The following DYNC2I1 variants were observed in gnomAD, a reference collection of about 807,000 sequenced individuals.
The protein encoded by DYNC2I1 is dynein 2 intermediate chain 1, also known as cytoplasmic dynein 2 intermediate chain 1.
DYNC2I1 carries 89 observed loss-of-function variants against 133.4 expected under a neutral mutation model. That is an observed-to-expected ratio of 0.67 (90% CI 0.56 to 0.80). The LOEUF (loss-of-function observed/expected upper bound fraction) is 0.80. Ranked by LOEUF, DYNC2I1 falls within the 30% of genes least tolerant of loss-of-function variation. The probability of loss-of-function intolerance (pLI) is 0.00; values close to 1 mark genes in which losing one functional copy is unlikely to be tolerated. For missense variants in DYNC2I1, 1,291 were observed against 1,314.5 expected (o/e 0.98, Z 0.28); for synonymous variants, 504 against 484.3 (o/e 1.04, Z -0.54).
intron 8 of DYNC2I1, among the ~76,000 whole-genome samples, chr7:158,896,648 T>C (rs1311803510): frequency 6.6e-6 from 1 of 151,992 alleles, no homozygotes; most frequent in Non-Finnish European, 1.5e-5. Flanking sequence ...AGTTTTTAAA[T>C]TTTTTGTAGA....
intron 17 of DYNC2I1, among the ~76,000 whole-genome samples, chr7:158,925,237 G>T (rs914160359): frequency 6.6e-6 from 1 of 152,128 alleles, no homozygotes; most frequent in Non-Finnish European, 1.5e-5. Context: ...TAGACACCCT[G>T]TAATTTATTC....
chr7:158,912,465 T>C (rs568216784), intron 12 of DYNC2I1, among the ~76,000 whole-genome samples: 3 of 152,296 alleles, frequency 2.0e-5, no homozygotes, highest in South Asian at 4.2e-4. Flanking sequence ...TTTTTAAATT[T>C]TTTTTAAGAG....
In DYNC2I1 at chr7:158,867,729, G is replaced by A. The variant is rs184791590; in HGVS notation, c.16-2126G>A. Among the ~76,000 whole-genome samples, 750 of 152,218 alleles carry A rather than the reference G, an allele frequency of 4.9e-3. 3 individuals are homozygous for A. The highest frequency in any genetic ancestry group is 0.017 in the African/African-American group (725 of 41,526). On this transcript the variant is annotated intron_variant, in intron 1 of 24. Coordinates refer to ENST00000407559, the MANE Select transcript of DYNC2I1 (RefSeq NM_018051.5). ...GAGGGGCCCTTCTGACGTGTGGGCTGGTGCCGGCCTCTCCTGGGCCTCCCC... is the reference window on the plus strand; with the variant it reads ...GAGGGGCCCTTCTGACGTGTGGGCTAGTGCCGGCCTCTCCTGGGCCTCCCC...
intron 8 of DYNC2I1, among the ~76,000 whole-genome samples, chr7:158,894,353 C>T (rs750443837): frequency 1.3e-4 from 20 of 152,154 alleles, no homozygotes; most frequent in Non-Finnish European, 2.5e-4. Flanking sequence ...CCACTCAGTG[C>T]GTTTTGCTTT....
At chr7:158,913,220 G>C in intron 13 of DYNC2I1, 124 bp downstream of exon 13, 2 of 723,344 alleles carry the variant, frequency 2.8e-6, no homozygotes, top group Non-Finnish European at 4.4e-6. Context: ...TTGTTAGCAT[G>C]TGACAATAGC....
intron 23 of DYNC2I1, among the ~76,000 whole-genome samples, chr7:158,935,421 T>C (rs994535111): frequency 6.6e-6 from 1 of 152,268 alleles, no homozygotes; most frequent in African/African-American, 2.4e-5. Flanking sequence ...AAGAATTATA[T>C]GACAGTCAAG....
At position 158,945,401 on chromosome 7, in the gene DYNC2I1, A is replaced by G. The variant is rs997472094; in HGVS notation, c.3003-180A>G. ...AAGTTCCATCTGGCAGGCCTCTGAC[A>G]TGCGGAAATGCATTTTCACACATTT... On this transcript the variant is annotated intron_variant, in intron 24 of 24. Transcript: ENST00000407559. This position sits in a 1 kb window ranked among gnomAD's most constrained non-coding sequence, Gnocchi z 4.1. Among the ~76,000 whole-genome samples the G allele has an allele frequency of 6.6e-6, 1 of 152,216 alleles. No individual in the cohort carries two copies. Among genetic ancestry groups the G allele is most frequent in the Non-Finnish European group, 1.5e-5 (1 of 68,032 alleles).
chr7:158,927,142 TGG>T, intron 20 of DYNC2I1, 99 bp downstream of exon 20: 1 of 821,278 alleles, frequency 1.2e-6, no homozygotes, highest in Non-Finnish European at 1.9e-6. Context: ...TCACACCTGC[TGG>T]GAGCCTCAGC....
intron 12 of DYNC2I1, among the ~76,000 whole-genome samples, chr7:158,912,035 A>G (rs960646238): frequency 1.3e-5 from 2 of 152,106 alleles, no homozygotes; most frequent in African/African-American, 4.8e-5. Flanking sequence ...AGTGCAGTGG[A>G]GTGATCTTGG....
At chr7:158,860,392 C>T (rs1446901713) in intron 1 of DYNC2I1, among the ~76,000 whole-genome samples, 2 of 152,174 alleles carry the variant, frequency 1.3e-5, no homozygotes, top group Non-Finnish European at 2.9e-5. Flanking sequence ...CCAAGCATTT[C>T]TTTCAGTTTG....
intron 1 of DYNC2I1, among the ~76,000 whole-genome samples, chr7:158,868,297 C>A (rs1842584922): frequency 6.6e-6 from 1 of 152,176 alleles, no homozygotes; most frequent in South Asian, 2.1e-4. Context: ...CCTTTCCCGG[C>A]ACGCACAGTG....
intron 8 of DYNC2I1, among the ~76,000 whole-genome samples, chr7:158,900,171 G>A (rs1269157423): frequency 6.6e-6 from 1 of 151,014 alleles, no homozygotes; most frequent in Non-Finnish European, 1.5e-5. Flanking sequence ...GCCCAGGCTG[G>A]AGTGCAATGG....
intron 4 of DYNC2I1, among the ~76,000 whole-genome samples, chr7:158,955,010 T>C (rs923546402): frequency 6.6e-6 from 1 of 152,048 alleles, no homozygotes; most frequent in Non-Finnish European, 1.5e-5. Flanking sequence ...GGACAGTAAG[T>C]CCTCCTTCAC....
At chr7:158,868,100 T>C (rs946982898) in intron 1 of DYNC2I1, among the ~76,000 whole-genome samples, 5 of 151,820 alleles carry the variant, frequency 3.3e-5, no homozygotes, top group African/African-American at 4.8e-5. Context: ...AAAAAGACGA[T>C]GATGAAGAAG....
the DYNC2I1 span, among the ~76,000 whole-genome samples, chr7:158,848,899 G>A: frequency 6.6e-6 from 1 of 151,156 alleles, no homozygotes; most frequent in South Asian, 2.1e-4. Flanking sequence ...CTCCAGCCTG[G>A]GCAACAGAGT....
Position 158,926,984 on chromosome 7 carries a change from GT to G in DYNC2I1, c.2434-3del. 1 of 1,594,104 alleles carries G rather than the reference GT, an allele frequency of 6.3e-7. No homozygotes were observed. The highest frequency in any genetic ancestry group is 8.6e-7 in the Non-Finnish European group (1 of 1,167,404). Reference sequence around the variant, plus strand: ...TATCAATATTCATTTTCAATATTCTGTTTTTAGGTGGTTGTTGAATTACCAA... The same window carrying G: ...TATCAATATTCATTTTCAATATTCTGTTTTAGGTGGTTGTTGAATTACCAA... On this transcript the variant is annotated splice_region_variant and splice_polypyrimidine_tract_variant and intron_variant, in intron 19 of 24. Transcript: ENST00000407559.
chr7:158,864,208 A>T (rs866091271), intron 1 of DYNC2I1, among the ~76,000 whole-genome samples: 1 of 152,034 alleles, frequency 6.6e-6, no homozygotes. Context: ...GGGCCTAAAC[A>T]TTTAAAGGAG....
intron 7 of DYNC2I1, among the ~76,000 whole-genome samples, chr7:158,889,136 A>G (rs1340361781): frequency 1.5e-5 from 2 of 137,882 alleles, no homozygotes; most frequent in Admixed American, 7.9e-5. Context: ...GCTGGAGCGC[A>G]GTGGCGCGAT....
chr7:158,913,520 C>T (rs922277988), intron 13 of DYNC2I1, among the ~76,000 whole-genome samples: 1 of 152,022 alleles, frequency 6.6e-6, no homozygotes, highest in Non-Finnish European at 1.5e-5. Context: ...ATCGAAGGTC[C>T]CTAGAATATA....
Sources: allele counts gnomAD v4.1 joint callset (sites outside exome capture counted in the v4.1 genomes callset), GRCh38; gene constraint gnomAD v4.1.1; non-coding constraint Gnocchi (gnomAD v3.1); transcripts MANE v1.5; gene names NCBI Gene and HGNC (gene_info 2026-07-23, HGNC 2026-07-21).